The following CRB1 variants were observed in gnomAD, a reference collection of about 807,000 sequenced individuals.
CRB1 encodes crumbs cell polarity complex component 1.
In CRB1, 83 loss-of-function variants were observed where a neutral mutation model predicts 120.0. The ratio of observed to expected loss-of-function variants is 0.69; its 90% CI spans 0.58 to 0.83. The LOEUF is 0.83. CRB1 is among the 40% of genes least tolerant of loss of function. The pLI is 0.00. For missense variants in CRB1, 1,699 were observed against 1,687.6 expected (o/e 1.01, Z -0.12); for synonymous variants, 625 against 612.5 (o/e 1.02, Z -0.30).
the CRB1 span, among the ~76,000 whole-genome samples, chr1:197,257,546 C>T: frequency 6.6e-6 from 1 of 152,254 alleles, no homozygotes; most frequent in East Asian, 1.9e-4. Context: ...TCTTAGGCTA[C>T]ACAAAAGTCT....
intron 4 of CRB1, among the ~76,000 whole-genome samples, chr1:197,350,169 A>G (rs940803172): frequency 5.1e-4 from 78 of 152,036 alleles, no homozygotes; most frequent in African/African-American, 1.8e-3. Flanking sequence ...CTTGTCACCA[A>G]CCAACACTCA....
chr1:197,291,312 A>G (rs1168829183), intron 1 of CRB1, among the ~76,000 whole-genome samples: 1 of 151,850 alleles, frequency 6.6e-6, no homozygotes, highest in Non-Finnish European at 1.5e-5. Flanking sequence ...TACTTTATTC[A>G]ACACTGTGGG....
intron 5 of CRB1, among the ~76,000 whole-genome samples, chr1:197,369,846 C>T (rs936831030): frequency 1.3e-5 from 2 of 152,104 alleles, no homozygotes; most frequent in Admixed American, 6.6e-5. Flanking sequence ...TTTCCTTCAC[C>T]TGCTTGCTTA....
rs778790452 is a variant in CRB1, at chr1:197,427,535, T to G, written c.2210T>G (p.Ile737Ser). The change falls in exon 7 of 12, where the codon ATC becomes AGC. Residue 737 changes from isoleucine to serine, a missense_variant. Coordinates refer to ENST00000367400, the MANE Select transcript of CRB1 (RefSeq NM_201253.3). ...CTTGATGAGAGCTATGGAGACACCA[T>G]CAGCCTCTCCATGTTTGTCCGAACG... Reference protein sequence around the residue: ...FTLDESYGDTISLSMFVRTLQ... With the variant: ...FTLDESYGDTSSLSMFVRTLQ... 9.3e-6 allele frequency: 15 copies of G among 1,613,594 alleles called. No homozygotes were observed. Among genetic ancestry groups the G allele is most frequent in the Non-Finnish European group, 1.2e-5 (14 of 1,179,734 alleles).
At chr1:197,238,363 A>G in the CRB1 span, among the ~76,000 whole-genome samples, 1 of 152,154 alleles carries the variant, frequency 6.6e-6, no homozygotes, top group South Asian at 2.1e-4. Context: ...TAATATGCTT[A>G]TTTATATAGG....
intron 2 of CRB1, among the ~76,000 whole-genome samples, chr1:197,343,156 C>T (rs1338824228): frequency 2.0e-5 from 3 of 152,036 alleles, no homozygotes; most frequent in African/African-American, 4.8e-5. Context: ...GTTAGAATAT[C>T]CTGCTGCATT....
At chr1:197,413,227 T>G in intron 5 of CRB1, among the ~76,000 whole-genome samples, 1 of 152,172 alleles carries the variant, frequency 6.6e-6, no homozygotes, top group East Asian at 1.9e-4. Flanking sequence ...GTACTCTAAG[T>G]GTATCTCAAA....
At chr1:197,356,743 C>A in intron 4 of CRB1, 88 bp from the exon 5 acceptor site, 1 of 1,307,670 alleles carries the variant, frequency 7.6e-7, no homozygotes, top group Non-Finnish European at 1.1e-6. Flanking sequence ...TAAATCAATG[C>A]CAGTATAGCA....
At chr1:197,353,962 C>T (rs1660267343) in intron 4 of CRB1, among the ~76,000 whole-genome samples, 1 of 148,358 alleles carries the variant, frequency 6.7e-6, no homozygotes, top group South Asian at 2.1e-4. Flanking sequence ...TATAAATACT[C>T]TTACAAATCA....
At chr1:197,345,628 C>T (rs1659723652) in intron 3 of CRB1, among the ~76,000 whole-genome samples, 1 of 148,386 alleles carries the variant, frequency 6.7e-6, no homozygotes, top group Admixed American at 6.8e-5. Flanking sequence ...CTGCCTCAGT[C>T]TCCTGAGTAG....
intron 1 of CRB1, among the ~76,000 whole-genome samples, chr1:197,306,639 A>G (rs1657191073): frequency 6.6e-6 from 1 of 152,172 alleles, no homozygotes; most frequent in Non-Finnish European, 1.5e-5. Context: ...AGCAAGACTT[A>G]GGCACAGAAA....
intron 1 of CRB1, among the ~76,000 whole-genome samples, chr1:197,279,368 T>G (rs1184865727): frequency 6.6e-6 from 1 of 151,860 alleles, no homozygotes; most frequent in Admixed American, 6.6e-5. Flanking sequence ...CTTTACAGCC[T>G]ACTCATTATA....
At chr1:197,260,216 A>AAC in the CRB1 span, among the ~76,000 whole-genome samples, 145,950 of 151,950 alleles carry the variant, frequency 0.96, 70,146 homozygotes, top group East Asian at 1. Flanking sequence ...AGGAAGGAGA[A>AAC]AAACAACTAA....
chr1:197,386,919 T>A (rs1355727840), intron 5 of CRB1, among the ~76,000 whole-genome samples: 4 of 152,194 alleles, frequency 2.6e-5, no homozygotes, highest in Non-Finnish European at 4.4e-5. Context: ...GTAATAGCTA[T>A]GTTTTTCTAT....
chr1:197,243,387 T>A, the CRB1 span, among the ~76,000 whole-genome samples: 1 of 152,216 alleles, frequency 6.6e-6, no homozygotes, highest in African/African-American at 2.4e-5. Flanking sequence ...GTGTTTGTTC[T>A]CATTGGTTTC....
At chr1:197,243,969 GT>G in the CRB1 span, among the ~76,000 whole-genome samples, 4 of 152,068 alleles carry the variant, frequency 2.6e-5, no homozygotes, top group African/African-American at 9.7e-5. Flanking sequence ...TTTAAAGTCT[GT>G]TTTATCAGAG....
intron 6 of CRB1, among the ~76,000 whole-genome samples, chr1:197,423,050 T>G (rs991101689): frequency 6.6e-6 from 1 of 152,082 alleles, no homozygotes; most frequent in East Asian, 1.9e-4. Context: ...CAAGTTGTTT[T>G]GTGATTTTTT....
the CRB1 span, among the ~76,000 whole-genome samples, chr1:197,238,408 T>G: frequency 6.6e-6 from 1 of 152,240 alleles, no homozygotes; most frequent in South Asian, 2.1e-4. Context: ...GTAGACAATA[T>G]TGCTTTGATC....
chr1:197,444,959 C>T (rs574030510), intron 11 of CRB1: 1 of 151,272 alleles, frequency 6.6e-6, no homozygotes, highest in Non-Finnish European at 1.5e-5. Flanking sequence ...TACTGATCTT[C>T]CTGAATCGTG....
Sources: gnomAD v4.1 joint callset for allele counts (sites outside exome capture counted in the v4.1 genomes callset) on GRCh38, gnomAD v4.1.1 for gene constraint, MANE v1.5 for transcripts, NCBI Gene and HGNC (gene_info 2026-07-23, HGNC 2026-07-21) for gene names.